The following CARS2 variants were observed in gnomAD, a reference collection of about 807,000 sequenced individuals.
The protein encoded by CARS2 is probable cysteine--tRNA ligase, mitochondrial.
Under a neutral mutation model 68.8 loss-of-function variants are expected in CARS2, and 52 were observed. The observed-to-expected ratio is 0.76, with a 90% confidence interval of 0.61 to 0.95. The LOEUF (loss-of-function observed/expected upper bound fraction) is 0.95, where lower values mean the gene tolerates loss of function less well. Ranked by LOEUF, CARS2 falls within the 40% of genes least tolerant of loss-of-function variation. CARS2 has a pLI of 0.00. For missense variants in CARS2, 780 were observed against 754.2 expected (o/e 1.03, Z -0.40); for synonymous variants, 314 against 303.6 (o/e 1.03, Z -0.36).
chr13:110,712,857 T>G, intron 1 of CARS2: 4 of 1,229,588 alleles, frequency 3.3e-6, no homozygotes, highest in Non-Finnish European at 3.5e-6. Flanking sequence ...CTCAGGCCCC[T>G]TTGTCTCCAA....
At position 110,683,148 on chromosome 13, in the gene CARS2, C is replaced by G; in HGVS notation, c.572-14G>C. 2 of 1,544,690 alleles carry G rather than the reference C, an allele frequency of 1.3e-6. No individual in the cohort carries two copies. The highest frequency in any genetic ancestry group is 2.4e-5 in the East Asian group (1 of 42,020). On this transcript the variant is annotated splice_polypyrimidine_tract_variant and intron_variant, in intron 5 of 14. Transcript: ENST00000257347. ...AGTAGACATTGCCTGTTTATAAAGA[C>G]AATTATGAATTCATCACTTCTCAGT...
rs895885424 is a variant in CARS2 at position 110,665,174 on chromosome 13, C to T, written c.920-1656G>A. 3.0e-6 allele frequency: 3 copies of T among 984,980 alleles called. No individual in the cohort carries two copies. The African/African-American group carries it at 5.2e-5, about 17-fold the overall frequency. 61.0% of individuals were successfully genotyped at this position (984,980 alleles called of 1,614,324 possible). ...AGCCACAAAACTTTCCCACCACGTG[C>T]AGTGGCTCACGCCTATAATCCCAGC... is the stretch of plus-strand genomic sequence containing the variant. On this transcript the variant is annotated intron_variant, in intron 8 of 14. Coordinates refer to ENST00000257347, the MANE Select transcript of CARS2 (RefSeq NM_024537.4). This position sits in a 1 kb window ranked among gnomAD's most constrained non-coding sequence, Gnocchi z 4.3.
intron 3 of CARS2, among the ~76,000 whole-genome samples, chr13:110,701,126 A>C (rs2063772213): frequency 1.3e-5 from 2 of 151,920 alleles, no homozygotes; most frequent in African/African-American, 4.8e-5. Flanking sequence ...GCAGTGGCAC[A>C]ATCTCCGCTC....
intron 11 of CARS2, 138 bp from the exon 12 acceptor site, chr13:110,646,228 T>G: frequency 1.1e-6 from 1 of 925,836 alleles, no homozygotes; most frequent in Non-Finnish European, 1.6e-6. Flanking sequence ...CCCAAAGACT[T>G]GAGTTCCTGA....
In CARS2 at chr13:110,676,935, A is replaced by C; in HGVS notation, c.785+39T>G. ...GCTGCCCTGAGCAGGCACCAGGGGA[A>C]CTTGAGCCCCAACCCCCAGGAAGCG... is the stretch of plus-strand genomic sequence containing the variant. On this transcript the variant is annotated intron_variant, in intron 7 of 14. Transcript: ENST00000257347. The surrounding 1 kb of genome is among the most constrained non-coding windows in gnomAD (Gnocchi z 4.0). The C allele has an allele frequency of 6.7e-7, 1 of 1,493,732 alleles. No individual in the cohort carries two copies. Among genetic ancestry groups the C allele is most frequent in the South Asian group, 1.3e-5 (1 of 75,766 alleles). The allele number at this position is 1,493,732 out of a possible 1,614,324, so 92.5% of individuals were successfully genotyped here.
intron 5 of CARS2, among the ~76,000 whole-genome samples, chr13:110,685,905 G>A (rs1238110052): frequency 6.9e-5 from 10 of 145,094 alleles, no homozygotes; most frequent in African/African-American, 2.3e-4. Context: ...CCTGCAGTAA[G>A]CAACATGCAA....
At chr13:110,713,421 C>T (rs1366120624) in exon 1 of CARS2, 5 of 1,006,144 alleles carry the variant, frequency 5.0e-6, no homozygotes, top group African/African-American at 3.4e-5. Flanking sequence ...GGCTCTGCCT[C>T]CAAGTGCCAA....
chr13:110,682,690 A>T (rs2063190544), intron 6 of CARS2, among the ~76,000 whole-genome samples: 1 of 152,230 alleles, frequency 6.6e-6, no homozygotes, highest in South Asian at 2.1e-4. Flanking sequence ...TAAGACACGT[A>T]TGGGAATTAA....
At chr13:110,645,576 A>G (rs776421855) in intron 12 of CARS2, 1 of 157,542 alleles carries the variant, frequency 6.3e-6, no homozygotes, top group Non-Finnish European at 1.4e-5. Flanking sequence ...TGTGGTCATC[A>G]CACTGGGGTG....
At chr13:110,701,681 C>T (rs1288585375) in intron 2 of CARS2, 126 bp from the exon 3 acceptor site, 10 of 611,696 alleles carry the variant, frequency 1.6e-5, no homozygotes, top group Admixed American at 5.2e-5. Context: ...GACAGGTCAG[C>T]GGAGCAGGTA....
chr13:110,705,059 TA>T lies in CARS2; in HGVS notation c.275+461del, dbSNP rs1432496098. On this transcript the variant is annotated intron_variant, in intron 2 of 14. Coordinates refer to ENST00000257347, the MANE Select transcript of CARS2 (RefSeq NM_024537.4). The surrounding 1 kb of genome is among the most constrained non-coding windows in gnomAD (Gnocchi z 4.0). ...ACATCTCACATGTGAGGTACAGTGTTAAGCAGCATTTTATGGGCATTATTTA... is the reference window on the plus strand; with the variant it reads ...ACATCTCACATGTGAGGTACAGTGTTAGCAGCATTTTATGGGCATTATTTA... Among the ~76,000 whole-genome samples, 13 of 152,204 alleles carry T rather than the reference TA, an allele frequency of 8.5e-5. No homozygotes were observed. Among genetic ancestry groups the T allele is most frequent in the Non-Finnish European group, 1.6e-4 (11 of 68,038 alleles).
At chr13:110,656,806 C>T (rs1203562810) in intron 9 of CARS2, among the ~76,000 whole-genome samples, 1 of 151,998 alleles carries the variant, frequency 6.6e-6, no homozygotes, top group Admixed American at 6.6e-5. Flanking sequence ...ATGGCGTGAA[C>T]CCGGAAGGCG....
upstream of CARS2, among the ~76,000 whole-genome samples, chr13:110,709,935 A>G (rs2064013090): frequency 6.6e-6 from 1 of 152,198 alleles, no homozygotes. Context: ...TGACAACAAT[A>G]ACAAAATCAA....
chr13:110,690,992 T>C (rs2063443290), intron 3 of CARS2, among the ~76,000 whole-genome samples: 1 of 152,170 alleles, frequency 6.6e-6, no homozygotes, highest in Non-Finnish European at 1.5e-5. Context: ...ATAGGTCTTT[T>C]TCTTATTGGA....
chr13:110,643,768 C>A (rs1248603133), intron 13 of CARS2: 2 of 176,286 alleles, frequency 1.1e-5, no homozygotes, highest in Admixed American at 5.5e-5. Flanking sequence ...CAGGAAACCT[C>A]AAATCTGTAT....
chr13:110,706,966 CCCAATACAGTGTGCACT>C (rs1373546094), upstream of CARS2, among the ~76,000 whole-genome samples: 1 of 151,490 alleles, frequency 6.6e-6, no homozygotes, highest in Non-Finnish European at 1.5e-5. Flanking sequence ...ACATCAGCAT[CCCAATACAGTGTGCACT>C]CCAATACAGT....
At chr13:110,694,596 C>T (rs2063566831) in intron 3 of CARS2, among the ~76,000 whole-genome samples, 1 of 152,010 alleles carries the variant, frequency 6.6e-6, no homozygotes, top group South Asian at 2.1e-4. Context: ...GAGATCCCAC[C>T]ATTGCACTCC....
rs1205703263 is a variant in CARS2 at position 110,664,539 on chromosome 13, C to T, written c.920-1021G>A. 4 of 898,126 alleles carry T rather than the reference C, an allele frequency of 4.5e-6. No homozygotes were observed. In the East Asian group the frequency reaches 4.7e-4, roughly 106 times the overall value. 55.6% of individuals were successfully genotyped at this position (898,126 alleles called of 1,614,324 possible). Reference sequence around the variant, plus strand: ...CTCAAAAATAAATAAATAAATACACCAACCAACCAACCAATTAGAATGTGA... The same window carrying T: ...CTCAAAAATAAATAAATAAATACACTAACCAACCAACCAATTAGAATGTGA... On this transcript the variant is annotated intron_variant, in intron 8 of 14. Transcript: ENST00000257347.
rs2062768614 is a variant in CARS2, at chr13:110,670,368, A to G, written c.786-2895T>C. Among the ~76,000 whole-genome samples, 1 of 152,210 alleles carries G rather than the reference A, an allele frequency of 6.6e-6. No homozygotes were observed. The highest frequency in any genetic ancestry group is 6.5e-5 in the Admixed American group (1 of 15,288). ...CCTCTGAGACGAAGCTTCCAGAGGA[A>G]GGATCATGCAGCAACATTTGCCGTT... On this transcript the variant is annotated intron_variant, in intron 7 of 14. Coordinates refer to ENST00000257347, the MANE Select transcript of CARS2 (RefSeq NM_024537.4). This position sits in a 1 kb window ranked among gnomAD's most constrained non-coding sequence, Gnocchi z 4.1.
Sources: allele counts gnomAD v4.1 joint callset (sites outside exome capture counted in the v4.1 genomes callset), GRCh38; gene constraint gnomAD v4.1.1; non-coding constraint Gnocchi (gnomAD v3.1); transcripts MANE v1.5; gene names NCBI Gene and HGNC (gene_info 2026-07-23, HGNC 2026-07-21).